The following PGM3 variants were observed in gnomAD, a reference collection of about 807,000 sequenced individuals.
PGM3 encodes phosphoacetylglucosamine mutase.
In PGM3, 40 loss-of-function variants were observed where a neutral mutation model predicts 66.2. That is an observed-to-expected ratio of 0.60 (90% confidence interval 0.47 to 0.79). The LOEUF (loss-of-function observed/expected upper bound fraction) is 0.79. PGM3 is among the 30% of genes least tolerant of loss of function. The probability of loss-of-function intolerance (pLI) is 0.00; values close to 1 mark genes in which losing one functional copy is unlikely to be tolerated. For synonymous variants in PGM3, 191 were observed against 224.2 expected (o/e 0.85, Z 1.32); for missense variants, 537 against 643.4 (o/e 0.83, Z 1.79).
chr6:83,184,251 G>C (rs1339163883), intron 4 of PGM3, among the ~76,000 whole-genome samples: 1 of 152,176 alleles, frequency 6.6e-6, no homozygotes, highest in Non-Finnish European at 1.5e-5. Flanking sequence ...TAACCAATAA[G>C]TAAATACTCA....
intron 6 of PGM3, among the ~76,000 whole-genome samples, chr6:83,180,171 TATGCTGATATTTGCTATAATACTA>T (rs1788072420): frequency 6.6e-6 from 1 of 152,216 alleles, no homozygotes; most frequent in Non-Finnish European, 1.5e-5. Flanking sequence ...ATTCAAAATC[TATGCTGATATTTGCTATAATACTA>T]CCATAAAATT....
At chr6:83,175,695 A>T (rs556023557) in intron 9 of PGM3, among the ~76,000 whole-genome samples, 4 of 152,294 alleles carry the variant, frequency 2.6e-5, no homozygotes, top group Non-Finnish European at 5.9e-5. Flanking sequence ...TAGACAACAT[A>T]CTTATAAAAA....
chr6:83,154,361 T>A, the PGM3 span: 1 of 859,724 alleles, frequency 1.2e-6, no homozygotes, highest in Non-Finnish European at 1.9e-6. Flanking sequence ...CAAGTGTCAG[T>A]GGGGATATGT....
chr6:83,188,344 G>A (rs987218984), intron 3 of PGM3, among the ~76,000 whole-genome samples: 1 of 151,998 alleles, frequency 6.6e-6, no homozygotes, highest in Non-Finnish European at 1.5e-5. Context: ...GACATTTATT[G>A]AGTGCTTCTC....
the PGM3 span, chr6:83,152,172 TATATAC>T: frequency 3.2e-5 from 27 of 853,794 alleles, no homozygotes; most frequent in African/African-American, 8.8e-5. Context: ...GAAAAATATA[TATATAC>T]ATATACATAT....
rs1258618032 is a variant in PGM3 at position 83,166,143 on chromosome 6, A to AT, written c.*3090dup. 2.2e-6 allele frequency: 1 copy of AT among 464,190 alleles called. No individual in the cohort carries two copies. The highest frequency in any genetic ancestry group is 3.8e-6 in the Non-Finnish European group (1 of 264,240). The allele number at this position is 464,190 out of a possible 1,614,324, so 28.8% of individuals were successfully genotyped here. A position where few individuals can be genotyped will look rare whatever the true frequency, so the allele number is the denominator to read the frequency against. On this transcript the variant is annotated 3_prime_UTR_variant, in exon 13 of 13. Transcript: ENST00000513973. Reference sequence around the variant, plus strand: ...AGAAAATGACACTTCAAAACAACGAATTTTTTTATTTTTCACTCAGCTCAT... The same window carrying AT: ...AGAAAATGACACTTCAAAACAACGAATTTTTTTTATTTTTCACTCAGCTCAT...
the PGM3 span, among the ~76,000 whole-genome samples, chr6:83,155,654 GC>G: frequency 0.018 from 2,719 of 152,250 alleles, 49 homozygotes; most frequent in Admixed American, 0.059. Context: ...TAAGCAGATG[GC>G]CTCAAATATT....
chr6:83,160,818 A>G (rs6926512), downstream of PGM3, among the ~76,000 whole-genome samples: 5,773 of 152,240 alleles, frequency 0.038, 182 homozygotes, highest in African/African-American at 0.074. Flanking sequence ...ATAATAGGAT[A>G]AAGAGTATGC....
intron 10 of PGM3, among the ~76,000 whole-genome samples, chr6:83,172,861 T>TTGA (rs1189814419): frequency 5.3e-5 from 8 of 152,206 alleles, no homozygotes; most frequent in African/African-American, 1.7e-4. Context: ...TGCTTATTGA[T>TTGA]TGATAGCATA....
At chr6:83,178,789 C>T in intron 7 of PGM3, 33 bp from the exon 8 acceptor site, 6 of 1,190,810 alleles carry the variant, frequency 5.0e-6, no homozygotes, top group Non-Finnish European at 7.6e-6. Flanking sequence ...AACTTGCCAT[C>T]AAAAGTATGG....
intron 3 of PGM3, among the ~76,000 whole-genome samples, chr6:83,188,206 T>C (rs912645707): frequency 6.6e-6 from 1 of 152,142 alleles, no homozygotes; most frequent in African/African-American, 2.4e-5. Flanking sequence ...AGCTCCAGCA[T>C]GGGAAAATGA....
At chr6:83,152,232 A>G in the PGM3 span, 3 of 1,033,228 alleles carry the variant, frequency 2.9e-6, no homozygotes, top group South Asian at 1.6e-5. Flanking sequence ...ACACACACAC[A>G]TAAAATTTAT....
At chr6:83,150,002 G>T in the PGM3 span, among the ~76,000 whole-genome samples, 95 of 152,314 alleles carry the variant, frequency 6.2e-4, no homozygotes, top group African/African-American at 2.1e-3. Flanking sequence ...GTTTGGAGAG[G>T]TAGCAGCACA....
chr6:83,153,631 T>C, the PGM3 span: 1 of 1,548,796 alleles, frequency 6.5e-7, no homozygotes, highest in Non-Finnish European at 8.8e-7. Context: ...GTACTATCAT[T>C]ATTTAAATAG....
At chr6:83,175,481 G>C (rs1167977938) in intron 9 of PGM3, among the ~76,000 whole-genome samples, 1 of 152,038 alleles carries the variant, frequency 6.6e-6, no homozygotes, top group Non-Finnish European at 1.5e-5. Flanking sequence ...AAAATATTCT[G>C]AACATTATGA....
At chr6:83,191,441 A>G in intron 1 of PGM3, 2 of 584,380 alleles carry the variant, frequency 3.4e-6, no homozygotes, top group East Asian at 5.6e-5. Flanking sequence ...ATTGAGGCCT[A>G]AAGTCAGATT....
chr6:83,177,863 A>G (rs769646330), intron 8 of PGM3, among the ~76,000 whole-genome samples: 2 of 152,142 alleles, frequency 1.3e-5, no homozygotes, highest in Non-Finnish European at 2.9e-5. Context: ...AGATCAGTTT[A>G]GCCAAAATAC....
At chr6:83,158,658 T>C, downstream of PGM3, 1 of 1,423,074 alleles carries the variant, frequency 7.0e-7, no homozygotes, top group Non-Finnish European at 9.8e-7. Flanking sequence ...TGTCCATTTT[T>C]TAATACCCTG....
At chr6:83,148,707 G>A in the PGM3 span, 3 of 1,233,470 alleles carry the variant, frequency 2.4e-6, no homozygotes, top group Non-Finnish European at 3.4e-6. Context: ...CCACAAACTA[G>A]TAGAAAACCA....
Sources: gnomAD v4.1 joint callset for allele counts (sites outside exome capture counted in the v4.1 genomes callset) on GRCh38, gnomAD v4.1.1 for gene constraint, MANE v1.5 for transcripts, NCBI Gene and HGNC (gene_info 2026-07-23, HGNC 2026-07-21) for gene names.